The following C22orf31 variants were observed in gnomAD, a reference collection of about 807,000 sequenced individuals.
The protein encoded by C22orf31 is uncharacterized protein C22orf31.
C22orf31 carries 11 observed loss-of-function variants against 15.0 expected under a neutral mutation model. The ratio of observed to expected loss-of-function variants is 0.73; its 90% confidence interval spans 0.46 to 1.21. The LOEUF (loss-of-function observed/expected upper bound fraction) is 1.21. C22orf31 is among the 50% of genes most tolerant of loss of function. The pLI, the probability that C22orf31 is intolerant of heterozygous loss-of-function variation, is 0.00. For missense variants in C22orf31, 340 were observed against 347.2 expected (o/e 0.98, Z 0.17); for synonymous variants, 132 against 133.3 (o/e 0.99, Z 0.07).
rs368813605 is a variant in C22orf31 at position 29,061,328 on chromosome 22, G to A, written c.3+462C>T. On this transcript the variant is annotated intron_variant, in intron 1 of 2. Coordinates refer to ENST00000216071, the MANE Select transcript of C22orf31 (RefSeq NM_015370.2). ...GTTGCCCAGGCTGGAGTGCAATGGC[G>A]TGATCTTGGCTCACTGCAACCTCCG... Among the ~76,000 whole-genome samples the A allele has an allele frequency of 1.5e-4, 23 of 152,214 alleles. 1 individual carries two copies. The East Asian group carries it at 4.2e-3, about 28-fold the overall frequency.
chr22:29,058,701 A>T lies in C22orf31; in HGVS notation c.*41T>A, dbSNP rs2037342853. On this transcript the variant is annotated 3_prime_UTR_variant, in exon 3 of 3. Transcript: ENST00000216071. ...GTGCAAAGTTGTGTTTATTTTTCAG[A>T]TCTCTAGCAGAGAATACTCTAATCC... 6.8e-7 allele frequency: 1 copy of T among 1,460,454 alleles called. No homozygotes were observed. Among genetic ancestry groups the T allele is most frequent in the African/African-American group, 1.4e-5 (1 of 70,462 alleles). The allele number at this position is 1,460,454 out of a possible 1,614,324, so 90.5% of individuals were successfully genotyped here.
chr22:29,067,376 C>T, the C22orf31 span, among the ~76,000 whole-genome samples: 1 of 151,586 alleles, frequency 6.6e-6, no homozygotes, highest in African/African-American at 2.4e-5. Flanking sequence ...ACTCAGTAAG[C>T]ATTTGGTGAC....
upstream of C22orf31, among the ~76,000 whole-genome samples, chr22:29,064,675 A>ATTTTTTTTTTTTTT (rs563569423): frequency 1.2e-4 from 6 of 51,326 alleles, 1 homozygote; most frequent in Non-Finnish European, 1.4e-4. Flanking sequence ...TTGCCCAGTG[A>ATTTTTTTTTTTTTT]TTTTTTTTTT....
Position 29,060,758 on chromosome 22 carries a change from C to A in C22orf31, c.89G>T (p.Cys30Phe). The part of the protein sequence containing the change: ...SILLNTRLQD[C>F]YVDSPALTNI... The stretch of plus-strand genomic sequence containing the variant: ...GGTGAGAGCCGGTGAGTCCACATAG[C>A]AGTCCTGAAGCCTGGTATTTAATAA... The change falls in exon 2 of 3, where the codon TGC becomes TTC. Residue 30 changes from cysteine (C) to phenylalanine (F), a missense_variant. Physicochemically the swap from Cys to Phe is radical, Grantham distance 205 (BLOSUM62 -2). Transcript: ENST00000216071. The A allele has an allele frequency of 6.2e-7, 1 of 1,614,100 alleles. No individual in the cohort carries two copies. Among genetic ancestry groups the A allele is most frequent in the Non-Finnish European group, 8.5e-7 (1 of 1,179,978 alleles).
upstream of C22orf31, among the ~76,000 whole-genome samples, chr22:29,063,233 C>T (rs764066145): frequency 6.6e-5 from 10 of 151,908 alleles, no homozygotes; most frequent in Non-Finnish European, 1.0e-4. Context: ...GGTGCGATCT[C>T]GGCTCACTGC....
At chr22:29,066,729 T>G (rs2037434337), upstream of C22orf31, among the ~76,000 whole-genome samples, 1 of 151,638 alleles carries the variant, frequency 6.6e-6, no homozygotes, top group African/African-American at 2.4e-5. Context: ...CCCAGCTAAT[T>G]TTTGTATTTT....
intron 2 of C22orf31, chr22:29,059,703 C>CTTT (rs2037362615): frequency 6.1e-6 from 6 of 984,768 alleles, no homozygotes; most frequent in Non-Finnish European, 7.2e-6. Flanking sequence ...ATCAGGCCTT[C>CTTT]GTAGGCCAAG....
At chr22:29,063,930 C>T (rs1007228362), upstream of C22orf31, among the ~76,000 whole-genome samples, 11 of 151,924 alleles carry the variant, frequency 7.2e-5, no homozygotes, top group African/African-American at 1.5e-4. Context: ...TGCAGTGGCA[C>T]GATCTTGGCT....
chr22:29,060,865 A>C (rs1471936514), intron 1 of C22orf31, 22 bp from the exon 2 acceptor site: 2 of 1,586,794 alleles, frequency 1.3e-6, no homozygotes, highest in Non-Finnish European at 8.6e-7. Context: ...AGGAGGGAGA[A>C]ATGAATTTTA....
chr22:29,068,326 G>A, the C22orf31 span, among the ~76,000 whole-genome samples: 1 of 151,744 alleles, frequency 6.6e-6, no homozygotes. Context: ...CTAACCTCAA[G>A]TGATCCACCC....
upstream of C22orf31, among the ~76,000 whole-genome samples, chr22:29,065,168 A>G (rs1298688213): frequency 1.3e-5 from 2 of 152,092 alleles, no homozygotes; most frequent in Non-Finnish European, 2.9e-5. Flanking sequence ...AATGTTATTA[A>G]TATTATGGTC....
chr22:29,069,164 G>T, the C22orf31 span, among the ~76,000 whole-genome samples: 3 of 152,126 alleles, frequency 2.0e-5, no homozygotes, highest in African/African-American at 7.2e-5. Flanking sequence ...ATCTCTCTTT[G>T]TTCTGGGGTG....
chr22:29,060,835 G>C lies in C22orf31; in HGVS notation c.12C>G (p.Ile4Met). 1 of 1,612,110 alleles carries C rather than the reference G, an allele frequency of 6.2e-7. No homozygotes were observed. Among genetic ancestry groups the C allele is most frequent in the Non-Finnish European group, 8.5e-7 (1 of 1,178,574 alleles). Reference protein sequence around the residue: MHPINVRRDPSIPI... With the variant: MHPMNVRRDPSIPI... ...GGATGCTGGGGTCTCGTCTCACATT[G>C]ATTGGGTGCTAGAATTATAAGGAGG... is the stretch of plus-strand genomic sequence containing the variant. The change falls in exon 2 of 3, where the codon ATC becomes ATG. Residue 4 changes from isoleucine to methionine, a missense_variant. Coordinates refer to ENST00000216071, the MANE Select transcript of C22orf31 (RefSeq NM_015370.2).
upstream of C22orf31, among the ~76,000 whole-genome samples, chr22:29,062,459 A>T (rs144043368): frequency 2.2e-3 from 335 of 152,214 alleles, no homozygotes; most frequent in African/African-American, 7.8e-3. Context: ...CAGTAATTAG[A>T]GCTGTTAGCA....
upstream of C22orf31, among the ~76,000 whole-genome samples, chr22:29,065,042 TG>T (rs1266721054): frequency 1.3e-5 from 2 of 151,680 alleles, no homozygotes; most frequent in African/African-American, 2.4e-5. Flanking sequence ...TTAGCAGAGA[TG>T]GGGGTTTCAC....
chr22:29,069,273 G>A, the C22orf31 span, among the ~76,000 whole-genome samples: 2 of 152,174 alleles, frequency 1.3e-5, no homozygotes, highest in African/African-American at 4.8e-5. Context: ...CAAGTCTGCA[G>A]TAAACATTTG....
At chr22:29,065,132 C>T (rs775169128), upstream of C22orf31, among the ~76,000 whole-genome samples, 8 of 152,108 alleles carry the variant, frequency 5.3e-5, no homozygotes, top group Non-Finnish European at 1.0e-4. Flanking sequence ...GGATTTCAGG[C>T]GTGAGCCACT....
At chr22:29,060,299 C>T (rs1302359491) in intron 2 of C22orf31, 116 bp downstream of exon 2, 3 of 1,002,808 alleles carry the variant, frequency 3.0e-6, no homozygotes, top group Non-Finnish European at 4.4e-6. Context: ...TCCCAAAGTG[C>T]TGAGATTATA....
Position 29,058,918 on chromosome 22 carries a change from T to TG in C22orf31, c.696dup (p.Lys233GlnfsTer12). The TG allele has an allele frequency of 1.2e-6, 2 of 1,614,166 alleles. No homozygotes were observed. The highest frequency in any genetic ancestry group is 1.7e-6 in the Non-Finnish European group (2 of 1,180,028). Reference sequence around the variant, plus strand: ...TTGCCCAGCTCCAGGCTGTACCTCTTGGGGGTCCCTGAAGGATTCCACAGC... The same window carrying TG: ...TTGCCCAGCTCCAGGCTGTACCTCTTGGGGGGTCCCTGAAGGATTCCACAGC... On this transcript the variant is annotated frameshift_variant, in exon 3 of 3. Coordinates refer to ENST00000216071, the MANE Select transcript of C22orf31 (RefSeq NM_015370.2). LOFTEE classifies it low-confidence loss of function (END_TRUNC).
Sources: gnomAD v4.1 joint callset for allele counts (sites outside exome capture counted in the v4.1 genomes callset) on GRCh38, gnomAD v4.1.1 for gene constraint, MANE v1.5 for transcripts, NCBI Gene and HGNC (gene_info 2026-07-23, HGNC 2026-07-21) for gene names.